Variants in EIF3E observed in about 807,000 individuals in gnomAD.
EIF3E encodes the protein eukaryotic translation initiation factor 3 subunit E, also known as eIF-3 p48.
A neutral mutation model predicts 59.3 loss-of-function variants in EIF3E; 25 were observed. That is an observed-to-expected ratio of 0.42 (90% CI 0.31 to 0.59). The LOEUF (loss-of-function observed/expected upper bound fraction) is 0.59. Ranked by LOEUF, EIF3E falls within the 20% of genes least tolerant of loss-of-function variation. The probability of loss-of-function intolerance (pLI) is 0.15; values close to 1 mark genes in which losing one functional copy is unlikely to be tolerated. For missense variants in EIF3E, 317 were observed against 534.3 expected (o/e 0.59, Z 4.01); for synonymous variants, 176 against 170.2 (o/e 1.03, Z -0.26).
chr8:108,247,496 T>C (rs1815970650), intron 1 of EIF3E, among the ~76,000 whole-genome samples: 1 of 152,168 alleles, frequency 6.6e-6, no homozygotes, highest in Admixed American at 6.5e-5. Flanking sequence ...TTACTGAAAA[T>C]GATCTTAGCC....
intron 6 of EIF3E, among the ~76,000 whole-genome samples, 153 bp downstream of exon 6, chr8:108,228,917 A>T (rs1335243371): frequency 6.6e-6 from 1 of 152,186 alleles, no homozygotes; most frequent in Non-Finnish European, 1.5e-5. Context: ...CAAACTAGTC[A>T]AGCCACTAAT....
chr8:108,205,298 C>G (rs1274273564), intron 10 of EIF3E, among the ~76,000 whole-genome samples: 1 of 152,148 alleles, frequency 6.6e-6, no homozygotes, highest in Non-Finnish European at 1.5e-5. Flanking sequence ...GCCGTTATGT[C>G]CAGCAATTAG....
chr8:108,206,125 T>C (rs936152272), intron 10 of EIF3E, among the ~76,000 whole-genome samples: 1 of 152,296 alleles, frequency 6.6e-6, no homozygotes, highest in South Asian at 2.1e-4. Context: ...CCAATCCTTT[T>C]ACTTTGTTGA....
chr8:108,217,793 G>T (rs1413839799), intron 7 of EIF3E, among the ~76,000 whole-genome samples: 4 of 152,104 alleles, frequency 2.6e-5, no homozygotes, highest in Admixed American at 1.3e-4. Flanking sequence ...ACTAAGCGAT[G>T]ACTTTCATTC....
chr8:108,246,053 T>G (rs937263783), intron 1 of EIF3E, among the ~76,000 whole-genome samples: 2 of 152,072 alleles, frequency 1.3e-5, no homozygotes, highest in African/African-American at 4.8e-5. Flanking sequence ...GAACAAGAGA[T>G]GAACAATAAC....
At chr8:108,226,225 C>T (rs923437762) in intron 7 of EIF3E, 1 of 145,748 alleles carries the variant, frequency 6.9e-6, no homozygotes, top group African/African-American at 2.6e-5. Flanking sequence ...CGGAGCTTCA[C>T]TCTTGTTGCC....
At chr8:108,224,366 T>G (rs891503307) in intron 7 of EIF3E, among the ~76,000 whole-genome samples, 5 of 151,420 alleles carry the variant, frequency 3.3e-5, no homozygotes, top group Non-Finnish European at 5.9e-5. Flanking sequence ...CAGAGACAAC[T>G]GAAAAACACA....
At chr8:108,235,901 T>C (rs1030342814) in intron 4 of EIF3E, among the ~76,000 whole-genome samples, 2 of 152,220 alleles carry the variant, frequency 1.3e-5, no homozygotes, top group African/African-American at 4.8e-5. Flanking sequence ...ATGCCAACAA[T>C]TACTGCCAAC....
At chr8:108,203,832 G>A (rs1204724271) in intron 10 of EIF3E, among the ~76,000 whole-genome samples, 7 of 151,980 alleles carry the variant, frequency 4.6e-5, no homozygotes, top group South Asian at 2.1e-4. Flanking sequence ...GGGAGAAAAA[G>A]GTTTTATGAT....
At chr8:108,242,012 A>G in intron 1 of EIF3E, 99 bp from the exon 2 acceptor site, 1 of 1,231,588 alleles carries the variant, frequency 8.1e-7, no homozygotes, top group Non-Finnish European at 1.1e-6. Context: ...TTCAAGAAAT[A>G]CTTTATAAAA....
intron 7 of EIF3E, among the ~76,000 whole-genome samples, chr8:108,217,663 T>C (rs1815329404): frequency 6.6e-6 from 1 of 152,198 alleles, no homozygotes; most frequent in African/African-American, 2.4e-5. Flanking sequence ...CTAGCCACTA[T>C]TTCTTTAATA....
chr8:108,214,650 T>G lies in EIF3E; in HGVS notation c.1018A>C (p.Ile340Leu). The G allele has an allele frequency of 1.9e-6, 3 of 1,611,870 alleles. No individual in the cohort carries two copies. The highest frequency in any genetic ancestry group is 2.5e-6 in the Non-Finnish European group (3 of 1,179,478). ...EDFIENARLF[I>L]FETFCRIHQC... ...TGGATGCGACAGAAAGTCTCAAATA[T>G]GAAGAGACGGGCATTTTCAATGAAA... The change falls in exon 10 of 13, where the codon ATA (isoleucine) becomes CTA (leucine). Residue 340 changes from isoleucine (I) to leucine (L), a missense_variant. Around this residue, in one of 4 missense-constraint regions of EIF3E, gnomAD observed 242 missense variants for 398.0 expected, o/e 0.61. Coordinates refer to ENST00000220849, the MANE Select transcript of EIF3E (RefSeq NM_001568.3).
At chr8:108,207,582 A>C (rs1815127716) in intron 10 of EIF3E, among the ~76,000 whole-genome samples, 1 of 152,190 alleles carries the variant, frequency 6.6e-6, no homozygotes. Flanking sequence ...AGTCCAATCC[A>C]GATTTTAAAC....
chr8:108,229,344 CACTGGTTTGTTTCAAAAA>C lies in EIF3E; in HGVS notation c.472-167_472-150del, dbSNP rs894227158. On this transcript the variant is annotated intron_variant, in intron 5 of 12. Coordinates refer to ENST00000220849, the MANE Select transcript of EIF3E (RefSeq NM_001568.3). ...AATTATCTAAGTCCTTATTGGATCA[CACTGGTTTGTTTCAAAAA>C]ACCTTTGCTAAAAATACTCAGGTCT... 4.2e-6 allele frequency: 3 copies of C among 708,086 alleles called. No homozygotes were observed. In the African/African-American group the frequency reaches 5.4e-5, roughly 13 times the overall value. 43.9% of individuals were successfully genotyped at this position (708,086 alleles called of 1,614,324 possible). A position where few individuals can be genotyped will look rare whatever the true frequency, so the allele number is the denominator to read the frequency against.
Position 108,236,181 on chromosome 8 carries a change from A to C in EIF3E, c.346T>G (p.Tyr116Asp). 6.2e-7 allele frequency: 1 copy of C among 1,610,674 alleles called. No individual in the cohort carries two copies. The highest frequency in any genetic ancestry group is 8.5e-7 in the Non-Finnish European group (1 of 1,178,590). ...STRDGRMLFD[Y>D]LADKHGFRQE... Reference sequence around the variant, plus strand: ...CTTACACCATGCTTGTCCGCCAGGTAGTCAAAGAGCATCCTACCATCCCTA... The same window carrying C: ...CTTACACCATGCTTGTCCGCCAGGTCGTCAAAGAGCATCCTACCATCCCTA... Residue 116 changes from tyrosine (Y) to aspartate (D), a missense_variant, in exon 4 of 13, where the codon TAC (tyrosine) becomes GAC (aspartate). Transcript: ENST00000220849.
chr8:108,241,680 A>C (rs553630953), intron 2 of EIF3E, 119 bp downstream of exon 2: 1 of 521,488 alleles, frequency 1.9e-6, no homozygotes, highest in East Asian at 3.2e-5. Flanking sequence ...CACCCAAAGA[A>C]CATTAACATT....
intron 10 of EIF3E, among the ~76,000 whole-genome samples, chr8:108,210,121 C>T (rs1815179462): frequency 6.6e-6 from 1 of 151,640 alleles, no homozygotes; most frequent in Admixed American, 6.6e-5. Flanking sequence ...TATGGGGTCT[C>T]CCTCCAGAGA....
intron 10 of EIF3E, among the ~76,000 whole-genome samples, chr8:108,204,269 C>T (rs1161295210): frequency 2.6e-5 from 4 of 151,972 alleles, no homozygotes; most frequent in South Asian, 2.1e-4. Flanking sequence ...TTTACAGCAG[C>T]ACAATTCACA....
chr8:108,217,503 G>T lies in EIF3E; in HGVS notation c.723-43C>A, dbSNP rs534170576. 1.0e-4 allele frequency: 156 copies of T among 1,523,312 alleles called. 1 individual carries two copies. In the South Asian group the frequency reaches 1.8e-3, roughly 18 times the overall value. 94.4% of individuals were successfully genotyped at this position (1,523,312 alleles called of 1,614,324 possible). ...AGTTATTTAATAACTTACCCAGGGT[G>T]AGATAAAGAAAACTCTCGAGCAGGT... On this transcript the variant is annotated intron_variant, in intron 7 of 12. Transcript: ENST00000220849.
Sources: gnomAD v4.1 joint callset for allele counts (sites outside exome capture counted in the v4.1 genomes callset) on GRCh38, gnomAD v4.1.1 for gene constraint, gnomAD v4.1.1 regional missense constraint, MANE v1.5 for transcripts, NCBI Gene and HGNC (gene_info 2026-07-23, HGNC 2026-07-21) for gene names.